ANK2: variants seen among roughly 807,000 people sequenced by gnomAD.
ANK2 encodes the protein ankyrin 2, also known as ankyrin-2.
A neutral mutation model predicts 360.5 loss-of-function variants in ANK2; 83 were observed. The ratio of observed to expected loss-of-function variants is 0.23; its 90% CI spans 0.19 to 0.28. The LOEUF is 0.28. ANK2 is among the 10% of genes least tolerant of loss of function. The probability of loss-of-function intolerance (pLI) is 1.00; values close to 1 mark genes in which losing one functional copy is unlikely to be tolerated. For missense variants in ANK2, 4,201 were observed against 4,795.7 expected, an observed-to-expected ratio of 0.88 and a Z score of 3.66; for synonymous variants, 1,740 against 1,759.5, an observed-to-expected ratio of 0.99 and a Z score of 0.28.
intron 2 of ANK2, among the ~76,000 whole-genome samples, chr4:113,178,745 A>G (rs1394292097): frequency 6.6e-6 from 1 of 152,108 alleles, no homozygotes; most frequent in African/African-American, 2.4e-5. Context: ...TTTACATGTG[A>G]TGTCTTATCA....
intron 1 of ANK2, among the ~76,000 whole-genome samples, chr4:112,896,503 G>T (rs1560997733): frequency 6.6e-6 from 1 of 152,170 alleles, no homozygotes; most frequent in Admixed American, 6.5e-5. Flanking sequence ...AAAGGATTGA[G>T]GAATGCAGCA....
intron 2 of ANK2, among the ~76,000 whole-genome samples, chr4:113,000,635 G>A (rs1055483871): frequency 1.3e-5 from 2 of 152,174 alleles, no homozygotes; most frequent in Non-Finnish European, 2.9e-5. Context: ...AAAATTATGA[G>A]TTTAGAAAAG....
intron 2 of ANK2, among the ~76,000 whole-genome samples, chr4:112,912,365 C>G (rs2087914099): frequency 6.6e-6 from 1 of 152,022 alleles, no homozygotes; most frequent in Non-Finnish European, 1.5e-5. Context: ...CCCTGATACC[C>G]TGATAAAACA....
chr4:113,253,445 C>T (rs940882736), intron 10 of ANK2, among the ~76,000 whole-genome samples: 1 of 152,072 alleles, frequency 6.6e-6, no homozygotes, highest in African/African-American at 2.4e-5. Flanking sequence ...ATGTCAGCTC[C>T]CCATTGCCAC....
intron 23 of ANK2, among the ~76,000 whole-genome samples, chr4:113,309,378 G>A (rs1424450781): frequency 6.6e-6 from 1 of 152,186 alleles, no homozygotes; most frequent in Admixed American, 6.5e-5. Flanking sequence ...ACTTTAAGTA[G>A]CACTGAACCT....
intron 5 of ANK2, among the ~76,000 whole-genome samples, chr4:113,235,216 C>T (rs953111703): frequency 5.9e-5 from 9 of 152,182 alleles, no homozygotes; most frequent in Non-Finnish European, 1.3e-4. Flanking sequence ...GCTAATGAGT[C>T]TGTGCTTTTC....
At chr4:112,796,456 C>CTA in the ANK2 span, among the ~76,000 whole-genome samples, 308 of 79,464 alleles carry the variant, frequency 3.9e-3, no homozygotes, top group African/African-American at 0.018. Flanking sequence ...ATATATCTAT[C>CTA]TATATATATA....
At chr4:112,956,977 A>G (rs1186268123) in intron 2 of ANK2, among the ~76,000 whole-genome samples, 3 of 92,864 alleles carry the variant, frequency 3.2e-5, no homozygotes, top group African/African-American at 1.3e-4. Context: ...AAATTATTGT[A>G]TCCTCTAAAT....
intron 2 of ANK2, among the ~76,000 whole-genome samples, chr4:113,187,262 G>A (rs906282720): frequency 2.0e-5 from 3 of 152,190 alleles, no homozygotes; most frequent in African/African-American, 7.2e-5. Flanking sequence ...AAGGAAGACA[G>A]CAACAGTGCC....
Position 113,009,097 on chromosome 4 carries a change from G to C in ANK2, c.21+104583G>C, listed in dbSNP as rs1004227612. ...TTCTTCCACCATTCTTGAATCAAAG[G>C]TTTTAAATTATAAACATGCAGACAA... On this transcript the variant is annotated intron_variant, in intron 2 of 30. Coordinates refer to the ANK2 transcript ENST00000503271. 3.9e-5 allele frequency among the ~76,000 whole-genome samples: 6 copies of C among 152,158 alleles called. No individual in the cohort carries two copies. In the South Asian group the frequency reaches 1.0e-3, roughly 26 times the overall value.
intron 2 of ANK2, among the ~76,000 whole-genome samples, chr4:112,943,410 C>T (rs2094359105): frequency 6.6e-6 from 1 of 151,822 alleles, no homozygotes; most frequent in Non-Finnish European, 1.5e-5. Context: ...ACAATTTACT[C>T]TGAAGATTGA....
At chr4:112,811,267 C>A in the ANK2 span, among the ~76,000 whole-genome samples, 4,382 of 152,154 alleles carry the variant, frequency 0.029, 141 homozygotes, top group African/African-American at 0.071. Context: ...CGGTAGAATT[C>A]CACCTTCTGG....
At chr4:113,175,803 A>G (rs1216825459) in intron 2 of ANK2, among the ~76,000 whole-genome samples, 2 of 152,140 alleles carry the variant, frequency 1.3e-5, no homozygotes, top group Non-Finnish European at 2.9e-5. Flanking sequence ...TCTTCTTCAG[A>G]GTCACTGGCA....
At chr4:113,283,975 A>G (rs181359596) in intron 18 of ANK2, among the ~76,000 whole-genome samples, 12 of 152,336 alleles carry the variant, frequency 7.9e-5, no homozygotes, top group Admixed American at 6.5e-4. Context: ...TGCCTTGAAT[A>G]CTTCTGCAGT....
chr4:112,892,285 A>T (rs992383162), intron 1 of ANK2, among the ~76,000 whole-genome samples: 7 of 152,264 alleles, frequency 4.6e-5, no homozygotes, highest in African/African-American at 1.7e-4. Context: ...TAGCCCTGTC[A>T]TGCCAGGAAC....
At chr4:113,098,939 C>T (rs1180043766) in intron 1 of ANK2, among the ~76,000 whole-genome samples, 1 of 151,812 alleles carries the variant, frequency 6.6e-6, no homozygotes, top group African/African-American at 2.4e-5. Flanking sequence ...AAGCATTAGA[C>T]AAAATCCAAC....
At chr4:113,004,135 A>T (rs546034369) in intron 2 of ANK2, among the ~76,000 whole-genome samples, 1 of 152,326 alleles carries the variant, frequency 6.6e-6, no homozygotes, top group East Asian at 1.9e-4. Flanking sequence ...GACTTCACAA[A>T]CACTGTGCAC....
intron 2 of ANK2, among the ~76,000 whole-genome samples, chr4:112,993,184 C>T (rs2047388532): frequency 6.6e-6 from 1 of 151,758 alleles, no homozygotes; most frequent in South Asian, 2.1e-4. Flanking sequence ...CTCAGGAGGT[C>T]GAGGTGGGAG....
the ANK2 span, among the ~76,000 whole-genome samples, chr4:112,801,710 A>G: frequency 6.6e-6 from 1 of 152,190 alleles, no homozygotes; most frequent in Non-Finnish European, 1.5e-5. Context: ...TTAGGAAAAT[A>G]AAAAAAGATG....
Sources: gnomAD v4.1 joint callset for allele counts (sites outside exome capture counted in the v4.1 genomes callset) on GRCh38, gnomAD v4.1.1 for gene constraint, MANE v1.5 for transcripts, NCBI Gene and HGNC (gene_info 2026-07-23, HGNC 2026-07-21) for gene names.